SERPINI1: variants seen among roughly 807,000 people sequenced by gnomAD.
SERPINI1 encodes the protein serpin family I member 1.
SERPINI1 carries 19 observed loss-of-function variants against 41.1 expected under a neutral mutation model. The observed-to-expected ratio is 0.46, with a 90% CI of 0.32 to 0.68. The LOEUF is 0.68. Ranked by LOEUF, SERPINI1 falls within the 30% of genes least tolerant of loss-of-function variation. SERPINI1 has a pLI of 0.03. For synonymous variants in SERPINI1, 138 were observed against 156.6 expected, an observed-to-expected ratio of 0.88 and a Z score of 0.89; for missense variants, 460 against 479.2, an observed-to-expected ratio of 0.96 and a Z score of 0.37.
intron 4 of SERPINI1, 58 bp downstream of exon 4, chr3:167,792,842 G>A (rs1192431837): frequency 2.2e-6 from 3 of 1,393,784 alleles, no homozygotes; most frequent in Non-Finnish European, 3.1e-6. Context: ...AGATTTCTAA[G>A]AAAAACATGA....
chr3:167,796,103 AT>A (rs1727703789), intron 5 of SERPINI1, among the ~76,000 whole-genome samples: 2 of 152,076 alleles, frequency 1.3e-5, no homozygotes, highest in African/African-American at 4.8e-5. Flanking sequence ...ATTTATTCTA[AT>A]TTTAGGAATT....
intron 6 of SERPINI1, among the ~76,000 whole-genome samples, chr3:167,820,583 C>G (rs910008054): frequency 1.3e-5 from 2 of 152,222 alleles, no homozygotes; most frequent in East Asian, 3.9e-4. Context: ...ACATCAACCC[C>G]CTGCCGACTG....
chr3:167,790,409 G>A lies in SERPINI1; in HGVS notation c.288G>A (p.Met96Ile), dbSNP rs1727463079. The stretch of plus-strand genomic sequence containing the variant: ...CTTTCTTGAAGGAGTTTTCAAACAT[G>A]GTAACTGCTAAAGAGAGCCAATATG... ...EFSFLKEFSN[M>I]VTAKESQYVM... is the part of the protein sequence containing the mutation. The change falls in exon 3 of 9, where the codon ATG becomes ATA. Residue 96 changes from methionine to isoleucine, a missense_variant. Transcript: ENST00000446050. 1 of 1,613,776 alleles carries A rather than the reference G, an allele frequency of 6.2e-7. No homozygotes were observed. The highest frequency in any genetic ancestry group is 1.3e-5 in the African/African-American group (1 of 75,028).
chr3:167,789,296 A>G lies in SERPINI1; in HGVS notation c.168A>G (p.Ala56=), dbSNP rs1727418267. The G allele has an allele frequency of 6.2e-7, 1 of 1,614,050 alleles. No individual in the cohort carries two copies. Among genetic ancestry groups the G allele is most frequent in the Non-Finnish European group, 8.5e-7 (1 of 1,180,010 alleles). ...ILFSPLSIAL[A]MGMMELGAQG... is the part of the protein sequence containing the mutation. ...TCTCTCCATTGAGTATTGCTCTTGC[A>G]ATGGGAATGATGGAACTTGGGGCCC... is the stretch of plus-strand genomic sequence containing the variant. Residue 56 remains alanine, a synonymous_variant, in exon 2 of 9, where the codon GCA becomes GCG. Coordinates refer to ENST00000446050, the MANE Select transcript of SERPINI1 (RefSeq NM_001122752.2).
At chr3:167,754,596 T>A (rs1312844152) in intron 1 of SERPINI1, among the ~76,000 whole-genome samples, 1 of 152,152 alleles carries the variant, frequency 6.6e-6, no homozygotes, top group African/African-American at 2.4e-5. Flanking sequence ...AAATCTGAAT[T>A]TTCACGTCCT....
chr3:167,790,623 C>A, intron 3 of SERPINI1, 21 bp downstream of exon 3: 3 of 1,543,120 alleles, frequency 1.9e-6, no homozygotes, highest in Non-Finnish European at 2.7e-6. Flanking sequence ...TGGTTCCTTT[C>A]TTCCTCTAGT....
chr3:167,769,629 A>C (rs375139441), intron 1 of SERPINI1, among the ~76,000 whole-genome samples: 2 of 152,172 alleles, frequency 1.3e-5, no homozygotes, highest in Non-Finnish European at 2.9e-5. Context: ...TTAAGAGGTG[A>C]CTGCTTTTCT....
intron 4 of SERPINI1, among the ~76,000 whole-genome samples, chr3:167,793,592 A>ATTTTTT (rs1407073250): frequency 9.7e-6 from 1 of 103,462 alleles, no homozygotes; most frequent in African/African-American, 4.4e-5. Flanking sequence ...ATATATATAT[A>ATTTTTT]TATATTTTTA....
At chr3:167,765,594 A>G (rs1322829902) in intron 1 of SERPINI1, among the ~76,000 whole-genome samples, 1 of 152,064 alleles carries the variant, frequency 6.6e-6, no homozygotes, top group Non-Finnish European at 1.5e-5. Context: ...CATTTTCCCT[A>G]TTGTCTTGGG....
Position 167,790,601 on chromosome 3 carries a change from C to T in SERPINI1, c.480C>T (p.Asn160=). Residue 160 remains asparagine (N), a splice_region_variant and synonymous_variant, in exon 3 of 9, where the codon AAC becomes AAT. Transcript: ENST00000446050. ...ATAAGTGGGTGGAGAATAACACAAA[C>T]AGTATGTCACTTGGTTCCTTTCTTC... ...YINKWVENNT[N]NLVKDLVSPR... The T allele has an allele frequency of 6.2e-7, 1 of 1,606,444 alleles. No homozygotes were observed. The highest frequency in any genetic ancestry group is 2.2e-5 in the East Asian group (1 of 44,764).
rs1388492757 is a variant in SERPINI1 at position 167,776,231 on chromosome 3, T to C, written c.-18-12880T>C. Reference sequence around the variant, plus strand: ...CTGAAACTACTTGCTGAGTTTTGTCTTAGGGCTTGTGTGTCACTTGTTTAG... The same window carrying C: ...CTGAAACTACTTGCTGAGTTTTGTCCTAGGGCTTGTGTGTCACTTGTTTAG... On this transcript the variant is annotated intron_variant, in intron 1 of 8. Transcript: ENST00000446050. 2.0e-5 allele frequency among the ~76,000 whole-genome samples: 3 copies of C among 152,258 alleles called. No homozygotes were observed. The South Asian group carries it at 6.2e-4, about 31-fold the overall frequency.
chr3:167,805,161 C>T (rs994996507), intron 5 of SERPINI1, among the ~76,000 whole-genome samples: 5 of 152,114 alleles, frequency 3.3e-5, no homozygotes, highest in Admixed American at 3.3e-4. Context: ...TACACTTCCA[C>T]CAACAGTGTA....
chr3:167,791,053 A>G (rs1183576362), intron 3 of SERPINI1, among the ~76,000 whole-genome samples: 2 of 152,196 alleles, frequency 1.3e-5, no homozygotes, highest in African/African-American at 4.8e-5. Context: ...AAACATTTGT[A>G]TATGATTCAT....
chr3:167,789,806 G>T (rs1727437740), intron 2 of SERPINI1, among the ~76,000 whole-genome samples: 1 of 152,060 alleles, frequency 6.6e-6, no homozygotes, highest in African/African-American at 2.4e-5. Context: ...TAGCATCCAA[G>T]ATTTTTTTTG....
chr3:167,813,576 G>A (rs1248115424), intron 6 of SERPINI1, among the ~76,000 whole-genome samples: 1 of 152,096 alleles, frequency 6.6e-6, no homozygotes, highest in Non-Finnish European at 1.5e-5. Flanking sequence ...TTGAAAGGTC[G>A]ACACATCAGA....
intron 5 of SERPINI1, among the ~76,000 whole-genome samples, chr3:167,802,716 TG>T (rs1727943480): frequency 7.1e-6 from 1 of 140,068 alleles, no homozygotes; most frequent in Non-Finnish European, 1.6e-5. Context: ...GAAGTCAGTG[TG>T]GCGATTCCTC....
intron 1 of SERPINI1, among the ~76,000 whole-genome samples, chr3:167,785,022 C>T (rs1024088134): frequency 1.3e-5 from 2 of 152,166 alleles, no homozygotes; most frequent in African/African-American, 2.4e-5. Context: ...GCGGGTGGAT[C>T]ATGAGGTCAA....
At chr3:167,820,381 T>G (rs1420588575) in intron 6 of SERPINI1, among the ~76,000 whole-genome samples, 1 of 152,152 alleles carries the variant, frequency 6.6e-6, no homozygotes, top group Non-Finnish European at 1.5e-5. Context: ...GCACAGCTGC[T>G]GTGGACCTGG....
chr3:167,753,707 G>A (rs573356950), intron 1 of SERPINI1, among the ~76,000 whole-genome samples: 40 of 152,146 alleles, frequency 2.6e-4, no homozygotes, highest in Admixed American at 8.5e-4. Context: ...CCTCAGGTGT[G>A]CTAAAGCAAA....
Sources: allele counts gnomAD v4.1 joint callset (sites outside exome capture counted in the v4.1 genomes callset), GRCh38; gene constraint gnomAD v4.1.1; transcripts MANE v1.5; gene names NCBI Gene and HGNC (gene_info 2026-07-23, HGNC 2026-07-21).